OSGIN2: variants seen among roughly 807,000 people sequenced by gnomAD.
The protein encoded by OSGIN2 is oxidative stress-induced growth inhibitor 2.
Under a neutral mutation model 53.8 loss-of-function variants are expected in OSGIN2, and 19 were observed. The observed-to-expected ratio is 0.35, with a 90% confidence interval of 0.25 to 0.52. The LOEUF is 0.52. OSGIN2 is among the 20% of genes least tolerant of loss of function. The pLI is 0.95. For synonymous variants in OSGIN2, 236 were observed against 236.0 expected, an observed-to-expected ratio of 1.00 and a Z score of 0.00; for missense variants, 520 against 662.7, an observed-to-expected ratio of 0.78 and a Z score of 2.36.
chr8:89,921,368 G>A (rs1586008663), intron 5 of OSGIN2, 197 bp downstream of exon 5: 1 of 456,694 alleles, frequency 2.2e-6, no homozygotes, highest in East Asian at 3.4e-5. Context: ...ACAGAGCTAA[G>A]GGATTATTGC....
rs182061361 is a variant in OSGIN2, at chr8:89,914,154, C to A, written c.277C>A (p.Pro93Thr). Residue 93 changes from proline to threonine, a missense_variant, in exon 3 of 6, where the codon CCA (proline) becomes ACA (threonine). This residue lies in a region of OSGIN2 where 203 missense variants were observed against 275.3 expected (regional missense o/e 0.74). Coordinates refer to ENST00000451899, the MANE Select transcript of OSGIN2 (RefSeq NM_001126111.3). ...RPYLSSEAIH[P>T]NTILNSKLEE... ...GTATTTATCATCAGAAGCAATACAC[C>A]CAAATACAATCTTAAATAGTAAATT... 6.3e-7 allele frequency: 1 copy of A among 1,599,036 alleles called. No homozygotes were observed. Among genetic ancestry groups the A allele is most frequent in the Admixed American group, 1.7e-5 (1 of 59,884 alleles).
chr8:89,912,003 C>G (rs1306709879), intron 2 of OSGIN2, among the ~76,000 whole-genome samples: 1 of 151,530 alleles, frequency 6.6e-6, no homozygotes, highest in Non-Finnish European at 1.5e-5. Context: ...TTTAAGGCTT[C>G]CTATTCTAGA....
intron 3 of OSGIN2, 83 bp downstream of exon 3, chr8:89,914,296 G>A: frequency 1.0e-6 from 1 of 974,110 alleles, no homozygotes; most frequent in Non-Finnish European, 1.5e-6. Flanking sequence ...TTTCTTAGTT[G>A]AAACCCCTTA....
chr8:89,909,761 G>T, intron 2 of OSGIN2, 40 bp downstream of exon 2: 1 of 1,314,822 alleles, frequency 7.6e-7, no homozygotes, highest in South Asian at 1.3e-5. Flanking sequence ...TATAGTTAAT[G>T]ACCCTTAATA....
At chr8:89,909,180 A>G (rs1014284041) in intron 1 of OSGIN2, among the ~76,000 whole-genome samples, 2 of 151,342 alleles carry the variant, frequency 1.3e-5, no homozygotes, top group African/African-American at 4.8e-5. Flanking sequence ...GTGTATGACT[A>G]TATATTGTAT....
intron 4 of OSGIN2, among the ~76,000 whole-genome samples, chr8:89,915,158 C>T (rs980339092): frequency 6.6e-6 from 1 of 152,064 alleles, no homozygotes; most frequent in Admixed American, 6.5e-5. Context: ...TGCTTGTCTG[C>T]GATAACAAAA....
chr8:89,915,236 A>G (rs1041160959), intron 4 of OSGIN2, among the ~76,000 whole-genome samples: 17 of 152,216 alleles, frequency 1.1e-4, no homozygotes, highest in African/African-American at 3.6e-4. Flanking sequence ...AAGTCCCAAG[A>G]TGAAGGTTCC....
chr8:89,914,805 A>T (rs187142796), intron 4 of OSGIN2, 59 bp downstream of exon 4: 1 of 1,173,332 alleles, frequency 8.5e-7, no homozygotes, highest in African/African-American at 1.5e-5. Flanking sequence ...GATAAGACCA[A>T]CTTTATTCTT....
In OSGIN2 at chr8:89,925,794, T is replaced by C. The variant is rs1005695841; in HGVS notation, c.*262T>C. 2.8e-6 allele frequency: 1 copy of C among 358,012 alleles called. No individual in the cohort carries two copies. The highest frequency in any genetic ancestry group is 2.1e-5 in the African/African-American group (1 of 48,630). 22.2% of individuals were successfully genotyped at this position (358,012 alleles called of 1,614,324 possible). A position where few individuals can be genotyped will look rare whatever the true frequency, so the allele number is the denominator to read the frequency against. On this transcript the variant is annotated 3_prime_UTR_variant, in exon 6 of 6. Coordinates refer to ENST00000451899, the MANE Select transcript of OSGIN2 (RefSeq NM_001126111.3). Reference sequence around the variant, plus strand: ...TCATTTAACTAAAACATTCTTTTCTTGCAAAACTTATTTTTCATGATCATT... The same window carrying C: ...TCATTTAACTAAAACATTCTTTTCTCGCAAAACTTATTTTTCATGATCATT...
chr8:89,916,490 T>G (rs1435863191), intron 4 of OSGIN2, among the ~76,000 whole-genome samples: 1 of 152,218 alleles, frequency 6.6e-6, no homozygotes, highest in African/African-American at 2.4e-5. Context: ...TTCCATATCT[T>G]AATCTTACTG....
In OSGIN2 at chr8:89,923,740, A is replaced by G. The variant is rs189945848; in HGVS notation, c.621-763A>G. Among the ~76,000 whole-genome samples the G allele has an allele frequency of 3.9e-5, 6 of 152,350 alleles. No individual in the cohort carries two copies. The East Asian group carries it at 7.7e-4, about 20-fold the overall frequency. ...TTGACTTAAAATATTTTCAACTTAC[A>G]ATTGGTCTATCAGGACAAACCCTAC... On this transcript the variant is annotated intron_variant, in intron 5 of 5. Coordinates refer to ENST00000451899, the MANE Select transcript of OSGIN2 (RefSeq NM_001126111.3).
chr8:89,906,575 C>T (rs944284069), intron 1 of OSGIN2, among the ~76,000 whole-genome samples: 2 of 151,702 alleles, frequency 1.3e-5, no homozygotes, highest in Non-Finnish European at 2.9e-5. Flanking sequence ...ATAAGGGCCT[C>T]CAGCTCCATC....
chr8:89,921,223 G>C (rs756996371), intron 5 of OSGIN2, 52 bp downstream of exon 5: 1 of 1,071,182 alleles, frequency 9.3e-7, no homozygotes, highest in South Asian at 1.4e-5. Flanking sequence ...AAAAGAGAAT[G>C]TGGAAAAATT....
chr8:89,903,152 G>T (rs2130683461), intron 1 of OSGIN2, among the ~76,000 whole-genome samples: 1 of 152,282 alleles, frequency 6.6e-6, no homozygotes, highest in Non-Finnish European at 1.5e-5. Context: ...TAGTGAAGGG[G>T]GTTCTACGAA....
chr8:89,909,551 T>C lies in OSGIN2; in HGVS notation c.45-16T>C, dbSNP rs73696834. 8,197 of 396,526 alleles carry C rather than the reference T, an allele frequency of 0.021. 202 individuals carry two copies. The highest frequency in any genetic ancestry group is 0.12 in the African/African-American group (5,452 of 46,432). 24.6% of individuals were successfully genotyped at this position (396,526 alleles called of 1,614,324 possible). A position where few individuals can be genotyped will look rare whatever the true frequency, so the allele number is the denominator to read the frequency against. On this transcript the variant is annotated splice_polypyrimidine_tract_variant and intron_variant, in intron 1 of 5. Transcript: ENST00000451899. ...TGACTATATCTCTTTTTATTCCCCCTTTTTTTTTTTTAAAGAAACTATAGT... is the reference window on the plus strand; with the variant it reads ...TGACTATATCTCTTTTTATTCCCCCCTTTTTTTTTTTAAAGAAACTATAGT...
rs139245393 is a variant in OSGIN2 at position 89,917,285 on chromosome 8, C to A, written c.528+2539C>A. Among the ~76,000 whole-genome samples, 4 of 152,328 alleles carry A rather than the reference C, an allele frequency of 2.6e-5. No individual in the cohort carries two copies. In the East Asian group the frequency reaches 7.7e-4, roughly 29 times the overall value. ...AAAAACCTAAATTCTCAAATGTCTTCCTTTCTGATCACAGTTTCCTGTTCT... is the reference window on the plus strand; with the variant it reads ...AAAAACCTAAATTCTCAAATGTCTTACTTTCTGATCACAGTTTCCTGTTCT... On this transcript the variant is annotated intron_variant, in intron 4 of 5. Coordinates refer to ENST00000451899, the MANE Select transcript of OSGIN2 (RefSeq NM_001126111.3).
chr8:89,919,587 A>C (rs1160659077), intron 4 of OSGIN2, among the ~76,000 whole-genome samples: 2 of 152,186 alleles, frequency 1.3e-5, no homozygotes, highest in Non-Finnish European at 2.9e-5. Flanking sequence ...AGGGGCTCAG[A>C]AGTTATTTCT....
chr8:89,917,685 G>A (rs1030982759), intron 4 of OSGIN2, among the ~76,000 whole-genome samples: 6 of 151,792 alleles, frequency 4.0e-5, no homozygotes, highest in Non-Finnish European at 8.8e-5. Context: ...AGTGGTCTTG[G>A]TTCTTATTTT....
chr8:89,913,062 A>G (rs1809003552), intron 2 of OSGIN2, among the ~76,000 whole-genome samples: 1 of 152,172 alleles, frequency 6.6e-6, no homozygotes, highest in African/African-American at 2.4e-5. Context: ...CACAGTAGCG[A>G]TGTTATCTGT....
Sources: gnomAD v4.1 joint callset for allele counts (sites outside exome capture counted in the v4.1 genomes callset) on GRCh38, gnomAD v4.1.1 for gene constraint, gnomAD v4.1.1 regional missense constraint, MANE v1.5 for transcripts, NCBI Gene and HGNC (gene_info 2026-07-23, HGNC 2026-07-21) for gene names.